The following SWAP70 variants were observed in gnomAD, a reference collection of about 807,000 sequenced individuals.
SWAP70 encodes the protein switching B cell complex subunit SWAP70.
SWAP70 carries 34 observed loss-of-function variants against 80.2 expected under a neutral mutation model. The ratio of observed to expected loss-of-function variants is 0.42; its 90% confidence interval spans 0.32 to 0.56. The LOEUF (loss-of-function observed/expected upper bound fraction) is 0.56. SWAP70 is among the 20% of genes least tolerant of loss of function. The probability of loss-of-function intolerance (pLI) is 0.09; values close to 1 mark genes in which losing one functional copy is unlikely to be tolerated. For missense variants in SWAP70, 578 were observed against 690.7 expected (o/e 0.84, Z 1.83); for synonymous variants, 239 against 238.5 (o/e 1.00, Z -0.02).
intron 1 of SWAP70, among the ~76,000 whole-genome samples, chr11:9,671,379 A>T (rs1850380613): frequency 9.3e-6 from 1 of 107,796 alleles, no homozygotes; most frequent in Non-Finnish European, 1.7e-5. Context: ...AATAAAAATA[A>T]AAATATATAA....
chr11:9,738,868 GAAA>G, intron 8 of SWAP70, among the ~76,000 whole-genome samples: 1 of 150,322 alleles, frequency 6.7e-6, no homozygotes, highest in South Asian at 2.1e-4. Context: ...CTCCAAAAAA[GAAA>G]AAAAAAGAAA....
At chr11:9,689,702 A>T (rs1479171920) in intron 1 of SWAP70, among the ~76,000 whole-genome samples, 1 of 152,182 alleles carries the variant, frequency 6.6e-6, no homozygotes, top group Non-Finnish European at 1.5e-5. Flanking sequence ...TCATCTGGAG[A>T]AGGGGTTAGT....
At chr11:9,737,379 A>G (rs1407264486) in intron 7 of SWAP70, among the ~76,000 whole-genome samples, 1 of 152,166 alleles carries the variant, frequency 6.6e-6, no homozygotes, top group African/African-American at 2.4e-5. Flanking sequence ...ATTTTCTTAG[A>G]TAAATGTTCT....
chr11:9,710,159 G>T (rs1478978493), intron 2 of SWAP70, among the ~76,000 whole-genome samples: 2 of 152,212 alleles, frequency 1.3e-5, no homozygotes, highest in South Asian at 2.1e-4. Flanking sequence ...AACCTATGTT[G>T]TTCAAGGATG....
intron 2 of SWAP70, among the ~76,000 whole-genome samples, chr11:9,697,239 A>G (rs1213753190): frequency 2.0e-5 from 3 of 151,690 alleles, no homozygotes; most frequent in African/African-American, 7.3e-5. Context: ...TAATAATTTA[A>G]TAGTTTGGAA....
chr11:9,729,311 T>C, intron 5 of SWAP70, 32 bp from the exon 6 acceptor site: 1 of 1,369,104 alleles, frequency 7.3e-7, no homozygotes, highest in South Asian at 1.2e-5. Context: ...ATACTTAAAA[T>C]TTTGAGGAAC....
Position 9,693,848 on chromosome 11 carries a change from GATGTGGACA to G in SWAP70, c.100-296_100-288del, listed in dbSNP as rs1215320178. ...CCCCCCCCACCCCACTTTTCTTTCTGATGTGGACAAATTAGTAAAAGACCACAGGAGTAT... is the reference window on the plus strand; with the variant it reads ...CCCCCCCCACCCCACTTTTCTTTCTGAATTAGTAAAAGACCACAGGAGTAT... On this transcript the variant is annotated intron_variant, in intron 1 of 11. Transcript: ENST00000318950. Among the ~76,000 whole-genome samples the G allele has an allele frequency of 3.3e-5, 5 of 151,098 alleles. No homozygotes were observed. In the East Asian group the frequency reaches 9.7e-4, roughly 29 times the overall value.
At chr11:9,686,869 C>G (rs1335464338) in intron 1 of SWAP70, among the ~76,000 whole-genome samples, 3 of 152,100 alleles carry the variant, frequency 2.0e-5, no homozygotes, top group Admixed American at 1.3e-4. Flanking sequence ...GCCCTGTCCC[C>G]CAAACAAATA....
At chr11:9,710,136 C>T (rs1278841176) in intron 2 of SWAP70, among the ~76,000 whole-genome samples, 1 of 151,754 alleles carries the variant, frequency 6.6e-6, no homozygotes, top group Admixed American at 6.6e-5. Context: ...TTTAAGTGGA[C>T]CCTCGAAGTT....
intron 3 of SWAP70, among the ~76,000 whole-genome samples, chr11:9,721,606 G>C (rs963487787): frequency 6.6e-6 from 1 of 151,556 alleles, no homozygotes; most frequent in East Asian, 1.9e-4. Context: ...TGAGTAGCTG[G>C]GACTACAGGC....
intron 1 of SWAP70, among the ~76,000 whole-genome samples, chr11:9,686,047 T>C (rs1349553437): frequency 6.6e-6 from 1 of 151,982 alleles, no homozygotes; most frequent in East Asian, 1.9e-4. Context: ...TTTAATTTTC[T>C]ATTTAAAATA....
At chr11:9,728,246 T>C (rs951266140) in intron 5 of SWAP70, 47 bp downstream of exon 5, 10 of 1,507,822 alleles carry the variant, frequency 6.6e-6, no homozygotes, top group Non-Finnish European at 8.8e-6. Flanking sequence ...TGCTGCCCCC[T>C]GATGCTGAAG....
intron 2 of SWAP70, among the ~76,000 whole-genome samples, chr11:9,695,430 C>G (rs766332527): frequency 3.3e-5 from 5 of 152,070 alleles, no homozygotes; most frequent in Admixed American, 6.5e-5. Flanking sequence ...CCATGGAATA[C>G]TATGCTGCCC....
At chr11:9,676,438 A>T (rs555247163) in intron 1 of SWAP70, among the ~76,000 whole-genome samples, 2 of 152,248 alleles carry the variant, frequency 1.3e-5, no homozygotes, top group African/African-American at 2.4e-5. Context: ...CTCCCTGCAG[A>T]TACCAAAATC....
At chr11:9,744,340 A>G (rs1190525984) in intron 9 of SWAP70, among the ~76,000 whole-genome samples, 1 of 151,918 alleles carries the variant, frequency 6.6e-6, no homozygotes, top group African/African-American at 2.4e-5. Context: ...AGGTGTTTAT[A>G]TTTGTGAGGT....
At chr11:9,675,030 G>T (rs1383680949) in intron 1 of SWAP70, among the ~76,000 whole-genome samples, 1 of 151,876 alleles carries the variant, frequency 6.6e-6, no homozygotes, top group Non-Finnish European at 1.5e-5. Flanking sequence ...AGGTGCAGTG[G>T]CTCATGCCTG....
At chr11:9,747,623 A>G (rs1041474165) in intron 9 of SWAP70, among the ~76,000 whole-genome samples, 4 of 152,238 alleles carry the variant, frequency 2.6e-5, no homozygotes, top group East Asian at 1.9e-4. Flanking sequence ...CTCTGGATAA[A>G]TGTTATTTTT....
chr11:9,664,262 C>G lies in SWAP70; in HGVS notation c.83C>G (p.Ser28Cys). 1 of 1,583,534 alleles carries G rather than the reference C, an allele frequency of 6.3e-7. No individual in the cohort carries two copies. Among genetic ancestry groups the G allele is most frequent in the African/African-American group, 1.3e-5 (1 of 74,170 alleles). ...ALDQDHSGKV[S>C]KSQLKVLSHN... Reference sequence around the variant, plus strand: ...GACCAGGACCACAGCGGCAAGGTCTCCAAGTCCCAGCTCAAGGTGGGCGCC... The same window carrying G: ...GACCAGGACCACAGCGGCAAGGTCTGCAAGTCCCAGCTCAAGGTGGGCGCC... Residue 28 changes from serine to cysteine, a missense_variant, in exon 1 of 12, where the codon TCC becomes TGC. Physicochemically the swap from Ser to Cys is moderately radical, Grantham distance 112. Transcript: ENST00000318950.
intron 3 of SWAP70, among the ~76,000 whole-genome samples, chr11:9,717,979 A>T (rs146723895): frequency 1.1e-3 from 171 of 152,326 alleles, no homozygotes; most frequent in African/African-American, 3.9e-3. Flanking sequence ...TATTGTGCCT[A>T]AGAAACTCAA....
Sources: allele counts gnomAD v4.1 joint callset (sites outside exome capture counted in the v4.1 genomes callset), GRCh38; gene constraint gnomAD v4.1.1; transcripts MANE v1.5; gene names NCBI Gene and HGNC (gene_info 2026-07-23, HGNC 2026-07-21).